Variants in PHKG1 observed in about 807,000 individuals in gnomAD.
The protein encoded by PHKG1 is phosphorylase b kinase gamma catalytic chain, skeletal muscle/heart isoform.
A neutral mutation model predicts 50.5 loss-of-function variants in PHKG1; 48 were observed. The ratio of observed to expected loss-of-function variants is 0.95; its 90% CI spans 0.75 to 1.21. PHKG1 has a LOEUF of 1.21. Ranked by LOEUF, PHKG1 falls within the 50% of genes most tolerant of loss-of-function variation. The probability of loss-of-function intolerance (pLI) is 0.00; values close to 1 mark genes in which losing one functional copy is unlikely to be tolerated. For missense variants in PHKG1, 487 were observed against 519.5 expected (o/e 0.94, Z 0.61); for synonymous variants, 204 against 212.8 (o/e 0.96, Z 0.36).
At chr7:56,086,857 T>C (rs1796272711) in intron 4 of PHKG1, 113 bp downstream of exon 4, 2 of 831,734 alleles carry the variant, frequency 2.4e-6, no homozygotes, top group East Asian at 2.4e-5. Flanking sequence ...TGATTGTATT[T>C]GGCATCCTCA....
intron 1 of PHKG1, among the ~76,000 whole-genome samples, chr7:56,091,892 C>T (rs879749191): frequency 2.6e-5 from 4 of 152,248 alleles, no homozygotes; most frequent in Admixed American, 6.5e-5. Context: ...AGCAACTTGG[C>T]GGAGCCCGGG....
At position 56,088,918 on chromosome 7, in the gene PHKG1, C is replaced by G. The variant is rs145267350; in HGVS notation, c.24G>C (p.Pro8=). The change falls in exon 2 of 10, where the codon CCG becomes CCC. Residue 8 remains proline (P), a synonymous_variant. Coordinates refer to ENST00000297373, the MANE Select transcript of PHKG1 (RefSeq NM_006213.5). MTRDEAL[P]DSHSAQDFYE... is the part of the protein sequence containing the mutation. The stretch of plus-strand genomic sequence containing the variant: ...AGAAGTCCTGTGCAGAATGAGAGTC[C>G]GGCAGTGCCTCGTCCCGGGTCATGC... 8.1e-4 allele frequency: 1,314 copies of G among 1,613,264 alleles called. No homozygotes were observed. Among genetic ancestry groups the G allele is most frequent in the Non-Finnish European group, 1.0e-3 (1,231 of 1,179,522 alleles).
intron 2 of PHKG1, 124 bp from the exon 3 acceptor site, chr7:56,087,900 G>C (rs1245706847): frequency 1.4e-6 from 1 of 726,700 alleles, no homozygotes; most frequent in African/African-American, 1.8e-5. Flanking sequence ...AACTTCCTCT[G>C]AGCTTTTGGA....
chr7:56,089,744 G>A (rs945723356), intron 1 of PHKG1, among the ~76,000 whole-genome samples: 1 of 152,088 alleles, frequency 6.6e-6, no homozygotes, highest in Non-Finnish European at 1.5e-5. Context: ...GGCTGGTCTC[G>A]AACTCCTGAC....
intron 6 of PHKG1, among the ~76,000 whole-genome samples, chr7:56,082,997 T>A (rs1271569534): frequency 2.0e-5 from 3 of 151,152 alleles, no homozygotes; most frequent in African/African-American, 7.3e-5. Flanking sequence ...TCACAGCTAC[T>A]CAGGAGGTTG....
Position 56,083,276 on chromosome 7 carries a change from AC to A in PHKG1, c.547+1del. On this transcript the variant is annotated splice_donor_variant, in intron 6 of 9. Coordinates refer to ENST00000297373, the MANE Select transcript of PHKG1 (RefSeq NM_006213.5). LOFTEE classifies it high-confidence loss of function. ...ACGTGGGCCAAGGCCATGTTACCAG[AC>A]CTCGCAGCCTCTCTCCCGGCTCCAG... The A allele has an allele frequency of 6.2e-7, 1 of 1,613,668 alleles. No homozygotes were observed. Among genetic ancestry groups the A allele is most frequent in the Non-Finnish European group, 8.5e-7 (1 of 1,179,810 alleles).
At chr7:56,084,877 A>G (rs1796189870) in intron 4 of PHKG1, among the ~76,000 whole-genome samples, 1 of 152,212 alleles carries the variant, frequency 6.6e-6, no homozygotes, top group Non-Finnish European at 1.5e-5. Flanking sequence ...TTCCCCCAGC[A>G]ACTTCTTCAA....
chr7:56,082,064 C>T lies in PHKG1; in HGVS notation c.639-18G>A, dbSNP rs1263107257. Reference sequence around the variant, plus strand: ...TGCTCCACCTGGACATGCGAGGGCCCAGGGCCACTTACCCAGCGCCAGGGG... The same window carrying T: ...TGCTCCACCTGGACATGCGAGGGCCTAGGGCCACTTACCCAGCGCCAGGGG... On this transcript the variant is annotated intron_variant, in intron 7 of 9. Coordinates refer to ENST00000297373, the MANE Select transcript of PHKG1 (RefSeq NM_006213.5). The T allele has an allele frequency of 6.2e-7, 1 of 1,610,148 alleles. No homozygotes were observed. Among genetic ancestry groups the T allele is most frequent in the East Asian group, 2.2e-5 (1 of 44,760 alleles).
In PHKG1 at chr7:56,080,869, G is replaced by T. The variant is rs1285103168; in HGVS notation, c.*185C>A. The T allele has an allele frequency of 5.8e-6, 4 of 686,266 alleles. No individual in the cohort carries two copies. The highest frequency in any genetic ancestry group is 9.6e-6 in the Non-Finnish European group (4 of 415,912). The allele number at this position is 686,266 out of a possible 1,614,324, so 42.5% of individuals were successfully genotyped here. ...CCCAGCCTGCAGGTATTGCTGTGTG[G>T]TGGGAACACCCACTTCCCTTGTGCA... On this transcript the variant is annotated 3_prime_UTR_variant, in exon 10 of 10. Coordinates refer to ENST00000297373, the MANE Select transcript of PHKG1 (RefSeq NM_006213.5).
At position 56,087,995 on chromosome 7, in the gene PHKG1, C is replaced by CTTT. The variant is rs34943237; in HGVS notation, c.84-222_84-220dup. 1.4e-4 allele frequency among the ~76,000 whole-genome samples: 14 copies of CTTT among 97,014 alleles called. 1 individual carries two copies. The highest frequency in any genetic ancestry group is 2.7e-4 in the Admixed American group (2 of 7,326). 63.6% of individuals were successfully genotyped at this position (97,014 alleles called of 152,430 possible). On this transcript the variant is annotated intron_variant, in intron 2 of 9. Transcript: ENST00000297373. Reference sequence around the variant, plus strand: ...AAGCCTGCTCTCAGGCCGTGTGACTCTTTTTTTTTTTTTTTTTTCCTTTTT... The same window carrying CTTT: ...AAGCCTGCTCTCAGGCCGTGTGACTCTTTTTTTTTTTTTTTTTTTTTCCTTTTT...
chr7:56,087,194 TTTATTATTATTATTATTATTA>T (rs56665611), intron 3 of PHKG1, among the ~76,000 whole-genome samples, 170 bp from the exon 4 acceptor site: 37 of 136,084 alleles, frequency 2.7e-4, no homozygotes, highest in Admixed American at 6.1e-4. Context: ...GCCCAGGGAC[TTTATTATTATTATTATTATTA>T]TTATTATTAT....
intron 1 of PHKG1, among the ~76,000 whole-genome samples, chr7:56,092,178 T>A (rs1562883585): frequency 6.6e-6 from 1 of 152,214 alleles, no homozygotes; most frequent in African/African-American, 2.4e-5. Context: ...GCCCCAGCTC[T>A]GACTGGGGCC....
At chr7:56,091,628 C>A (rs1285797796) in intron 1 of PHKG1, among the ~76,000 whole-genome samples, 1 of 152,200 alleles carries the variant, frequency 6.6e-6, no homozygotes, top group Non-Finnish European at 1.5e-5. Flanking sequence ...CTCAGCAGTG[C>A]CAAAGCTGCC....
chr7:56,084,108 G>T (rs910856106), intron 4 of PHKG1: 1 of 1,110,076 alleles, frequency 9.0e-7, no homozygotes, highest in Admixed American at 2.0e-5. Context: ...AAGTGACCAG[G>T]GAAGCAATGG....
At position 56,081,250 on chromosome 7, in the gene PHKG1, C is replaced by T. The variant is rs371433601; in HGVS notation, c.968G>A (p.Arg323His). Reference sequence around the variant, plus strand: ...CTCCCGGGTCACAGGCTTCACCCGGCGGTACTGGTAGTAGATCCGCACTGA... The same window carrying T: ...CTCCCGGGTCACAGGCTTCACCCGGTGGTACTGGTAGTAGATCCGCACTGA... ...LASVRIYYQY[R>H]RVKPVTREIV... Residue 323 changes from arginine (R) to histidine (H), a missense_variant, in exon 10 of 10, where the codon CGC (arginine) becomes CAC (histidine). Physicochemically the swap from Arg to His is conservative, Grantham distance 29. Coordinates refer to ENST00000297373, the MANE Select transcript of PHKG1 (RefSeq NM_006213.5). This position sits in a 1 kb window ranked among gnomAD's most constrained non-coding sequence, Gnocchi z 4.6. The T allele has an allele frequency of 6.8e-5, 109 of 1,612,982 alleles. No homozygotes were observed. Among genetic ancestry groups the T allele is most frequent in the Middle Eastern group, 3.3e-4 (2 of 5,974 alleles).
In PHKG1 at chr7:56,083,645, C is replaced by G. The variant is rs1003936012; in HGVS notation, c.383+5G>C. 1.3e-6 allele frequency: 2 copies of G among 1,579,246 alleles called. No homozygotes were observed. Among genetic ancestry groups the G allele is most frequent in the East Asian group, 4.6e-5 (2 of 43,592 alleles). On this transcript the variant is annotated splice_donor_5th_base_variant and intron_variant, in intron 5 of 9. Coordinates refer to ENST00000297373, the MANE Select transcript of PHKG1 (RefSeq NM_006213.5). ...GAGCGGAGAGAAGGGCAAAGGGACC[C>G]TCACCTGGTTTCCTTCTCACTCAAG...
In PHKG1 at chr7:56,081,783, A is replaced by AGGTC. The variant is rs369497317; in HGVS notation, c.793-29_793-28insGACC. The AGGTC allele has an allele frequency of 0.046, 74,445 of 1,609,580 alleles. 2,546 individuals are homozygous for AGGTC. The highest frequency in any genetic ancestry group is 0.2 in the East Asian group (9,145 of 44,618). ...GTGAGAGGAGGAGAGGGGAACCGAGAATGTCAAGGCAGGTCCCCTCCAGCA... is the reference window on the plus strand; with the variant it reads ...GTGAGAGGAGGAGAGGGGAACCGAGAGGTCATGTCAAGGCAGGTCCCCTCCAGCA... On this transcript the variant is annotated intron_variant, in intron 8 of 9. Coordinates refer to ENST00000297373, the MANE Select transcript of PHKG1 (RefSeq NM_006213.5). The surrounding 1 kb of genome is among the most constrained non-coding windows in gnomAD (Gnocchi z 4.6).
intron 4 of PHKG1, chr7:56,084,007 A>G (rs1796143038): frequency 1.6e-6 from 1 of 617,618 alleles, no homozygotes; most frequent in Non-Finnish European, 2.8e-6. Context: ...CCCTGGAAAA[A>G]TTTTTCCCAC....
At position 56,087,557 on chromosome 7, in the gene PHKG1, CAG is replaced by C. The variant is rs768854210; in HGVS notation, c.262+39_262+40del. ...GGCTTGGGCTGTCAGGGCAGAATCA[CAG>C]GGGGGCACCCTGCCGTGTGGCTTGG... On this transcript the variant is annotated intron_variant, in intron 3 of 9. Transcript: ENST00000297373. 6.3e-6 allele frequency: 10 copies of C among 1,589,668 alleles called. No homozygotes were observed. The South Asian group carries it at 7.8e-5, about 12-fold the overall frequency.
Sources: gnomAD v4.1 joint callset for allele counts (sites outside exome capture counted in the v4.1 genomes callset) on GRCh38, gnomAD v4.1.1 for gene constraint, Gnocchi (gnomAD v3.1) non-coding constraint, MANE v1.5 for transcripts, NCBI Gene and HGNC (gene_info 2026-07-23, HGNC 2026-07-21) for gene names.